OSBPL10: variants seen among roughly 807,000 people sequenced by gnomAD.
OSBPL10 encodes oxysterol binding protein like 10.
OSBPL10 carries 49 observed loss-of-function variants against 81.7 expected under a neutral mutation model. That is an observed-to-expected ratio of 0.60 (90% CI 0.48 to 0.76). The LOEUF is 0.76. Among genes scored for constraint, OSBPL10 ranks in the 30% least tolerant of loss-of-function variants. The probability of loss-of-function intolerance (pLI) is 0.00; values close to 1 mark genes in which losing one functional copy is unlikely to be tolerated. For missense variants in OSBPL10, 923 were observed against 987.8 expected, an observed-to-expected ratio of 0.93 and a Z score of 0.88; for synonymous variants, 419 against 383.6, an observed-to-expected ratio of 1.09 and a Z score of -1.08.
intron 6 of OSBPL10, among the ~76,000 whole-genome samples, chr3:31,716,135 C>A (rs1158288831): frequency 6.6e-6 from 1 of 152,170 alleles, no homozygotes; most frequent in East Asian, 1.9e-4. Flanking sequence ...GGGCCCCCCT[C>A]CAGACCTACA....
At chr3:31,859,759 G>A (rs1176286716) in intron 3 of OSBPL10, among the ~76,000 whole-genome samples, 1 of 152,188 alleles carries the variant, frequency 6.6e-6, no homozygotes. Flanking sequence ...TGCAGCAACT[G>A]CTTGTGCTGA....
chr3:31,965,862 TAATAC>T (rs1426158445), intron 1 of OSBPL10, among the ~76,000 whole-genome samples: 11 of 97,312 alleles, frequency 1.1e-4, no homozygotes, highest in African/African-American at 5.5e-4. Flanking sequence ...AGATAATATA[TAATAC>T]ATATTATATA....
intron 6 of OSBPL10, among the ~76,000 whole-genome samples, chr3:31,711,639 T>G (rs1696255088): frequency 1.3e-5 from 2 of 152,168 alleles, no homozygotes; most frequent in Admixed American, 1.3e-4. Flanking sequence ...GTGATTCCAC[T>G]TCTATGAGAC....
At chr3:31,989,492 C>G in intron 2 of OSBPL10, 1 of 1,614,146 alleles carries the variant, frequency 6.2e-7, no homozygotes. Context: ...ACTGGTAGCA[C>G]CGACAGATAT....
At chr3:31,837,848 A>T (rs893698478) in intron 3 of OSBPL10, among the ~76,000 whole-genome samples, 1 of 151,916 alleles carries the variant, frequency 6.6e-6, no homozygotes, top group Admixed American at 6.6e-5. Context: ...GAGGAAAAAA[A>T]AAAATTTAAT....
At chr3:31,906,088 G>A (rs1422619481) in intron 1 of OSBPL10, among the ~76,000 whole-genome samples, 1 of 152,158 alleles carries the variant, frequency 6.6e-6, no homozygotes, top group Non-Finnish European at 1.5e-5. Context: ...CATCACTTCA[G>A]TTGGCTCTGC....
intron 11 of OSBPL10, chr3:31,662,769 G>T: frequency 1.0e-6 from 1 of 984,322 alleles, no homozygotes; most frequent in East Asian, 1.1e-4. Context: ...GTTTTTTCTT[G>T]TTGTTGTTGC....
chr3:31,796,993 ATTT>A (rs71097443), intron 4 of OSBPL10, among the ~76,000 whole-genome samples: 91 of 123,598 alleles, frequency 7.4e-4, no homozygotes, highest in African/African-American at 2.5e-3. Flanking sequence ...ATTTTTATTA[ATTT>A]TTTTTTTTTT....
At chr3:31,911,515 T>TG (rs1358989663) in intron 1 of OSBPL10, among the ~76,000 whole-genome samples, 1 of 151,868 alleles carries the variant, frequency 6.6e-6, no homozygotes, top group Non-Finnish European at 1.5e-5. Flanking sequence ...ACAACAGGGG[T>TG]GTCCAATCTT....
intron 2 of OSBPL10, among the ~76,000 whole-genome samples, chr3:31,999,059 A>T (rs1465230722): frequency 6.6e-6 from 1 of 152,192 alleles, no homozygotes; most frequent in African/African-American, 2.4e-5. Context: ...GACAGTAATA[A>T]TCTCCTGAAG....
At chr3:31,783,111 T>TTTTATATATATATATATATATATATA (rs1048319563) in intron 4 of OSBPL10, among the ~76,000 whole-genome samples, 2 of 121,662 alleles carry the variant, frequency 1.6e-5, no homozygotes, top group Non-Finnish European at 3.3e-5. Context: ...AATATATCTA[T>TTTTATATATATATATATATATATATA]TATATATATA....
chr3:31,804,148 T>G (rs1171796935), intron 4 of OSBPL10, among the ~76,000 whole-genome samples: 1 of 152,192 alleles, frequency 6.6e-6, no homozygotes, highest in Non-Finnish European at 1.5e-5. Flanking sequence ...TATTCTACAT[T>G]TATTAGTTAG....
At chr3:31,981,451 A>C (rs1055234715), upstream of OSBPL10, 1 of 444,744 alleles carries the variant, frequency 2.2e-6, no homozygotes, top group Non-Finnish European at 3.6e-6. This position sits in a 1 kb window ranked among gnomAD's most constrained non-coding sequence, Gnocchi z 4.5. Flanking sequence ...GCAAGTTCGG[A>C]GCGGGTGGCC....
intron 6 of OSBPL10, among the ~76,000 whole-genome samples, chr3:31,729,437 G>A (rs991424195): frequency 2.0e-5 from 3 of 152,010 alleles, no homozygotes. Flanking sequence ...TTCTTTTTTG[G>A]AGGAGACAGA....
intron 1 of OSBPL10, among the ~76,000 whole-genome samples, chr3:31,953,219 C>G (rs1194063373): frequency 6.6e-6 from 1 of 152,038 alleles, no homozygotes; most frequent in Admixed American, 6.5e-5. Flanking sequence ...AGGCGTGAGC[C>G]AGCGCGCCCG....
In OSBPL10 at chr3:32,015,082, T is replaced by C. The variant is rs145045042; in HGVS notation, n.298+31409A>G. On this transcript the variant is annotated intron_variant and non_coding_transcript_variant, in intron 2 of 3. Transcript: ENST00000479173. ...GCTACCAATGACTTTCTTCACACAA[T>C]TGGAAAAAACCACTTTAAAGTTCAT... Among the ~76,000 whole-genome samples the C allele has an allele frequency of 4.9e-4, 75 of 152,242 alleles. 1 individual carries two copies. The highest frequency in any genetic ancestry group is 1.5e-3 in the African/African-American group (63 of 41,528).
intron 2 of OSBPL10, among the ~76,000 whole-genome samples, chr3:32,035,710 G>T (rs1193725641): frequency 6.6e-6 from 1 of 152,038 alleles, no homozygotes; most frequent in Non-Finnish European, 1.5e-5. Flanking sequence ...CTTTCTGGTA[G>T]GAAAAGAACC....
intron 1 of OSBPL10, among the ~76,000 whole-genome samples, chr3:31,969,245 G>A (rs1698486646): frequency 1.3e-5 from 2 of 152,160 alleles, no homozygotes; most frequent in South Asian, 4.1e-4. Flanking sequence ...ACATCTGTCA[G>A]CACTTACAAA....
intron 3 of OSBPL10, among the ~76,000 whole-genome samples, chr3:31,855,885 A>T (rs1040244516): frequency 1.3e-5 from 2 of 151,846 alleles, no homozygotes; most frequent in African/African-American, 4.8e-5. Flanking sequence ...ATGGAAAATC[A>T]CCCCACAAGG....
Sources: allele counts gnomAD v4.1 joint callset (sites outside exome capture counted in the v4.1 genomes callset), GRCh38; gene constraint gnomAD v4.1.1; non-coding constraint Gnocchi (gnomAD v3.1); transcripts MANE v1.5; gene names NCBI Gene and HGNC (gene_info 2026-07-23, HGNC 2026-07-21).